Variants in TRAPPC9 observed in about 807,000 individuals in gnomAD.
TRAPPC9 encodes trafficking protein particle complex subunit 9.
A neutral mutation model predicts 124.0 loss-of-function variants in TRAPPC9; 83 were observed. The ratio of observed to expected loss-of-function variants is 0.67; its 90% CI spans 0.56 to 0.80. The LOEUF (loss-of-function observed/expected upper bound fraction) is 0.80, where lower values mean the gene tolerates loss of function less well. TRAPPC9 is among the 30% of genes least tolerant of loss of function. The probability of loss-of-function intolerance (pLI) is 0.00; values close to 1 mark genes in which losing one functional copy is unlikely to be tolerated. For missense variants in TRAPPC9, 1,302 were observed against 1,508.3 expected (o/e 0.86, Z 2.27); for synonymous variants, 638 against 617.5 (o/e 1.03, Z -0.49).
At chr8:140,113,989 C>G (rs1456472128) in intron 17 of TRAPPC9, among the ~76,000 whole-genome samples, 1 of 152,184 alleles carries the variant, frequency 6.6e-6, no homozygotes, top group African/African-American at 2.4e-5. Flanking sequence ...AGAGCTGCCT[C>G]GAAGTCTCTG....
chr8:139,905,429 C>T (rs376038900), intron 20 of TRAPPC9, among the ~76,000 whole-genome samples: 3 of 152,196 alleles, frequency 2.0e-5, no homozygotes, highest in African/African-American at 7.2e-5. Flanking sequence ...CTGGCGTGTG[C>T]GTGACAGGAA....
At chr8:139,736,483 A>G (rs1011655679) in intron 21 of TRAPPC9, among the ~76,000 whole-genome samples, 1 of 152,204 alleles carries the variant, frequency 6.6e-6, no homozygotes, top group Non-Finnish European at 1.5e-5. Context: ...CCAGGCATAC[A>G]GGCACCAAAT....
chr8:140,003,666 A>T (rs1352327208), intron 18 of TRAPPC9, among the ~76,000 whole-genome samples: 3 of 152,034 alleles, frequency 2.0e-5, no homozygotes, highest in Non-Finnish European at 4.4e-5. Flanking sequence ...ATGCCTATTA[A>T]AATGGGTAGA....
At chr8:139,844,349 G>T (rs1201121850) in intron 21 of TRAPPC9, among the ~76,000 whole-genome samples, 1 of 152,130 alleles carries the variant, frequency 6.6e-6, no homozygotes, top group African/African-American at 2.4e-5. Context: ...GTCAAACCAG[G>T]GTGGCCCCCT....
chr8:140,444,172 AC>A (rs2071154111), intron 2 of TRAPPC9, among the ~76,000 whole-genome samples: 1 of 150,268 alleles, frequency 6.7e-6, no homozygotes, highest in Non-Finnish European at 1.5e-5. Context: ...AGAACATGCC[AC>A]TGCCCTCCAG....
At chr8:139,956,731 G>A (rs1267464393) in intron 19 of TRAPPC9, among the ~76,000 whole-genome samples, 1 of 152,168 alleles carries the variant, frequency 6.6e-6, no homozygotes, top group African/African-American at 2.4e-5. Flanking sequence ...CTTCCATCCC[G>A]GCTCCGCGTA....
chr8:140,266,005 A>G (rs746413639), intron 15 of TRAPPC9, among the ~76,000 whole-genome samples: 9 of 152,248 alleles, frequency 5.9e-5, no homozygotes, highest in Non-Finnish European at 1.2e-4. Flanking sequence ...ACAGGTATGT[A>G]TATGTTTCTA....
At chr8:140,308,149 G>C (rs753731697) in intron 10 of TRAPPC9, among the ~76,000 whole-genome samples, 8 of 151,864 alleles carry the variant, frequency 5.3e-5, no homozygotes, top group Non-Finnish European at 1.0e-4. Context: ...CTCAACGAAG[G>C]AACAAAACCG....
chr8:139,750,393 C>T (rs1819235134), intron 21 of TRAPPC9, among the ~76,000 whole-genome samples: 1 of 152,210 alleles, frequency 6.6e-6, no homozygotes, highest in Admixed American at 6.5e-5. Flanking sequence ...CCTCTTCCAC[C>T]CTAGCCACCT....
intron 19 of TRAPPC9, among the ~76,000 whole-genome samples, chr8:139,946,366 C>T (rs1355816639): frequency 6.6e-6 from 1 of 152,208 alleles, no homozygotes; most frequent in African/African-American, 2.4e-5. Context: ...TCCGTAAGAA[C>T]GAGGCATGGC....
intron 11 of TRAPPC9, among the ~76,000 whole-genome samples, chr8:140,299,876 T>C (rs1196420192): frequency 6.6e-6 from 1 of 152,188 alleles, no homozygotes; most frequent in Middle Eastern, 3.2e-3. Flanking sequence ...TGATCACCTG[T>C]GTTCACAAAA....
At chr8:140,334,332 T>C (rs765929340) in intron 9 of TRAPPC9, among the ~76,000 whole-genome samples, 3 of 151,890 alleles carry the variant, frequency 2.0e-5, no homozygotes, top group Non-Finnish European at 4.4e-5. Flanking sequence ...TAGGAAATAA[T>C]TTGAGAAAGG....
In TRAPPC9 at chr8:140,291,078, T is replaced by C; in HGVS notation, c.1769A>G (p.Asp590Gly). The C allele has an allele frequency of 3.7e-6, 6 of 1,613,890 alleles. No homozygotes were observed. Among genetic ancestry groups the C allele is most frequent in the Non-Finnish European group, 4.2e-6 (5 of 1,179,722 alleles). Residue 590 changes from aspartate (D) to glycine (G), a missense_variant and splice_region_variant, in exon 12 of 23, where the codon GAT becomes GGT. Asp to Gly is a moderately conservative substitution (Grantham distance 94). Coordinates refer to ENST00000438773, the MANE Select transcript of TRAPPC9 (RefSeq NM_001160372.4). Reference protein sequence around the residue: ...NRGEERNKKIDFQWVQGDVCE... With the variant: ...NRGEERNKKIGFQWVQGDVCE... ...CACATCTCCTTGAACCCACTGGAAA[T>C]CTAGAAAATACACACACATAAATGA...
intron 21 of TRAPPC9, among the ~76,000 whole-genome samples, chr8:139,833,949 T>C (rs1826158969): frequency 6.6e-6 from 1 of 152,138 alleles, no homozygotes; most frequent in South Asian, 2.1e-4. Context: ...GCCTTGGCGG[T>C]GGAGGAAACG....
At chr8:140,089,570 C>T (rs1844428861) in intron 17 of TRAPPC9, among the ~76,000 whole-genome samples, 1 of 152,140 alleles carries the variant, frequency 6.6e-6, no homozygotes, top group African/African-American at 2.4e-5. Context: ...CTTTGGGGAG[C>T]TTTTCGGATT....
At chr8:140,076,192 G>T (rs1329962146) in intron 17 of TRAPPC9, among the ~76,000 whole-genome samples, 3 of 152,170 alleles carry the variant, frequency 2.0e-5, no homozygotes, top group African/African-American at 4.8e-5. Flanking sequence ...AAGGAAGAGA[G>T]TTTCTGATTT....
At chr8:140,292,418 T>C (rs552464144) in intron 11 of TRAPPC9, among the ~76,000 whole-genome samples, 3 of 152,278 alleles carry the variant, frequency 2.0e-5, no homozygotes, top group Admixed American at 6.5e-5. Context: ...CAGACACGGG[T>C]GGCTAACAGG....
At chr8:140,314,377 A>G (rs1356933831) in intron 9 of TRAPPC9, among the ~76,000 whole-genome samples, 3 of 152,184 alleles carry the variant, frequency 2.0e-5, no homozygotes, top group Non-Finnish European at 4.4e-5. Context: ...TGATGTTTTA[A>G]TGCATTTACT....
chr8:140,278,381 C>T (rs555345141), intron 14 of TRAPPC9, among the ~76,000 whole-genome samples: 9 of 152,206 alleles, frequency 5.9e-5, no homozygotes, highest in African/African-American at 1.9e-4. Context: ...GCTAGGATTA[C>T]AGGAGTGAGC....
Sources: allele counts gnomAD v4.1 joint callset (sites outside exome capture counted in the v4.1 genomes callset), GRCh38; gene constraint gnomAD v4.1.1; transcripts MANE v1.5; gene names NCBI Gene and HGNC (gene_info 2026-07-23, HGNC 2026-07-21).